Variants in TP63 observed in about 807,000 individuals in gnomAD.
The protein encoded by TP63 is tumor protein p63.
TP63 carries 17 observed loss-of-function variants against 82.8 expected under a neutral mutation model. That is an observed-to-expected ratio of 0.21 (90% CI 0.14 to 0.31). TP63 has a LOEUF of 0.31. Among genes scored for constraint, TP63 ranks in the 10% least tolerant of loss-of-function variants. The pLI is 1.00. For synonymous variants in TP63, 330 were observed against 321.7 expected (o/e 1.03, Z -0.28); for missense variants, 648 against 895.3 (o/e 0.72, Z 3.52).
At chr3:189,889,671 C>T (rs1260576998) in intron 12 of TP63, among the ~76,000 whole-genome samples, 187 bp downstream of exon 12, 1 of 152,214 alleles carries the variant, frequency 6.6e-6, no homozygotes, top group Non-Finnish European at 1.5e-5. Context: ...CTACTATAAC[C>T]AGCATGGAAA....
chr3:189,721,694 G>A (rs939213757), intron 1 of TP63, among the ~76,000 whole-genome samples: 3 of 152,116 alleles, frequency 2.0e-5, no homozygotes, highest in African/African-American at 4.8e-5. Flanking sequence ...ACCTCCCTGG[G>A]CGTAAGGAGT....
chr3:189,732,023 G>A (rs531610588), intron 1 of TP63, among the ~76,000 whole-genome samples: 11 of 152,290 alleles, frequency 7.2e-5, no homozygotes, highest in Non-Finnish European at 1.2e-4. Context: ...AACATAGACC[G>A]TTAATTTTTC....
upstream of TP63, among the ~76,000 whole-genome samples, chr3:189,629,298 C>G (rs1577142249): frequency 6.6e-6 from 1 of 152,228 alleles, no homozygotes; most frequent in East Asian, 1.9e-4. Context: ...GCAGAAGGAT[C>G]ACTTGAGCCC....
chr3:189,673,599 A>G (rs1288331685), intron 1 of TP63, among the ~76,000 whole-genome samples: 5 of 152,172 alleles, frequency 3.3e-5, no homozygotes, highest in South Asian at 2.1e-4. Context: ...TTACCATAGC[A>G]TTAAAATAAC....
In TP63 at chr3:189,647,510, T is replaced by C. The variant is rs1255041940; in HGVS notation, c.62+15933T>C. ...TGGTGCCTTCTTCAGTCATACACAATGATCCAGAGGGTTGACAGAGGATCC... is the reference window on the plus strand; with the variant it reads ...TGGTGCCTTCTTCAGTCATACACAACGATCCAGAGGGTTGACAGAGGATCC... On this transcript the variant is annotated intron_variant, in intron 1 of 13. Transcript: ENST00000264731. Among the ~76,000 whole-genome samples, 2 of 146,824 alleles carry C rather than the reference T, an allele frequency of 1.4e-5. 1 individual carries two copies. The highest frequency in any genetic ancestry group is 3.0e-5 in the Non-Finnish European group (2 of 67,314).
At chr3:189,859,451 A>G (rs1716734707) in intron 4 of TP63, among the ~76,000 whole-genome samples, 1 of 152,178 alleles carries the variant, frequency 6.6e-6, no homozygotes, top group Non-Finnish European at 1.5e-5. Flanking sequence ...AAATAAGTAC[A>G]TGAAAAGATG....
chr3:189,866,948 A>G (rs911121299), intron 6 of TP63, 151 bp downstream of exon 6: 1 of 723,016 alleles, frequency 1.4e-6, no homozygotes, highest in Non-Finnish European at 2.4e-6. Context: ...ATTTTTTTCT[A>G]CCTGTTCTCC....
At chr3:189,644,742 A>G (rs1376514687) in intron 1 of TP63, among the ~76,000 whole-genome samples, 1 of 152,116 alleles carries the variant, frequency 6.6e-6, no homozygotes, top group African/African-American at 2.4e-5. Context: ...TTGAGTCCAC[A>G]TAGCTTAGCT....
intron 1 of TP63, among the ~76,000 whole-genome samples, chr3:189,651,719 A>T (rs9864161): frequency 0.37 from 53,664 of 145,292 alleles, 13,399 homozygotes; most frequent in Middle Eastern, 0.45. Flanking sequence ...CCCTTGCATC[A>T]TGGGCTGGGA....
chr3:189,810,454 C>T (rs1020871386), intron 4 of TP63, among the ~76,000 whole-genome samples: 3 of 152,112 alleles, frequency 2.0e-5, no homozygotes, highest in Non-Finnish European at 2.9e-5. Context: ...AATGAATAAT[C>T]GCTTTTTTTC....
At chr3:189,641,122 T>C (rs1048451317) in intron 1 of TP63, among the ~76,000 whole-genome samples, 1 of 152,136 alleles carries the variant, frequency 6.6e-6, no homozygotes, top group Non-Finnish European at 1.5e-5. Flanking sequence ...TAGTTCACTT[T>C]CATTGTAAAC....
At chr3:189,851,432 G>A (rs1014231795) in intron 4 of TP63, among the ~76,000 whole-genome samples, 24 of 152,094 alleles carry the variant, frequency 1.6e-4, no homozygotes, top group Non-Finnish European at 2.1e-4. Context: ...AAAATTAACC[G>A]GGCGTAGTGG....
At chr3:189,716,614 G>A (rs142681952) in intron 1 of TP63, among the ~76,000 whole-genome samples, 49 of 152,216 alleles carry the variant, frequency 3.2e-4, no homozygotes, top group African/African-American at 1.1e-3. Flanking sequence ...AAAGGACTGC[G>A]GAATTTTATG....
intron 4 of TP63, among the ~76,000 whole-genome samples, chr3:189,842,404 A>T (rs1714261448): frequency 6.6e-6 from 1 of 152,180 alleles, no homozygotes; most frequent in South Asian, 2.1e-4. Context: ...TCTCATTGCT[A>T]ACTTCTGGTG....
At chr3:189,884,498 A>G (rs1390103273) in intron 10 of TP63, among the ~76,000 whole-genome samples, 1 of 152,038 alleles carries the variant, frequency 6.6e-6, no homozygotes, top group Non-Finnish European at 1.5e-5. Flanking sequence ...CCTTATATTT[A>G]CCCATATGTA....
chr3:189,599,176 G>A, the TP63 span, among the ~76,000 whole-genome samples: 4 of 151,940 alleles, frequency 2.6e-5, no homozygotes, highest in Non-Finnish European at 5.9e-5. Context: ...CAAACTTTAC[G>A]TTTATAATTA....
chr3:189,861,130 A>T (rs1419031788), intron 4 of TP63, among the ~76,000 whole-genome samples: 1 of 148,038 alleles, frequency 6.8e-6, no homozygotes, highest in Non-Finnish European at 1.5e-5. Flanking sequence ...TTGGCCAGGC[A>T]TGTCTTGAGC....
intron 12 of TP63, 32 bp downstream of exon 12, chr3:189,889,516 G>T (rs753820034): frequency 5.0e-6 from 8 of 1,614,092 alleles, no homozygotes; most frequent in Non-Finnish European, 6.8e-6. Context: ...CTGGGGGCCT[G>T]CCCTAAGCAT....
intron 4 of TP63, among the ~76,000 whole-genome samples, chr3:189,825,055 A>G (rs1180396129): frequency 6.6e-6 from 1 of 152,206 alleles, no homozygotes; most frequent in Non-Finnish European, 1.5e-5. Context: ...TGCTTCTGGC[A>G]AAGAAGGTAA....
Sources: allele counts gnomAD v4.1 joint callset (sites outside exome capture counted in the v4.1 genomes callset), GRCh38; gene constraint gnomAD v4.1.1; transcripts MANE v1.5; gene names NCBI Gene and HGNC (gene_info 2026-07-23, HGNC 2026-07-21).